VWA8: variants seen among roughly 807,000 people sequenced by gnomAD.
VWA8 encodes von Willebrand factor A domain-containing protein 8.
VWA8 carries 221 observed loss-of-function variants against 241.5 expected under a neutral mutation model. The observed-to-expected ratio is 0.91, with a 90% confidence interval of 0.82 to 1.02. The LOEUF (loss-of-function observed/expected upper bound fraction) is 1.02, where lower values mean the gene tolerates loss of function less well. Among genes scored for constraint, VWA8 ranks in the 50% least tolerant of loss-of-function variants. The pLI is 0.00. For synonymous variants in VWA8, 852 were observed against 827.1 expected, an observed-to-expected ratio of 1.03 and a Z score of -0.52; for missense variants, 2,322 against 2,328.7, an observed-to-expected ratio of 1.00 and a Z score of 0.06.
intron 2 of VWA8, among the ~76,000 whole-genome samples, chr13:41,918,000 T>TA (rs1161786233): frequency 6.6e-6 from 1 of 152,220 alleles, no homozygotes; most frequent in African/African-American, 2.4e-5. Context: ...CCATGTAACA[T>TA]TCTGTAGTTA....
intron 14 of VWA8, among the ~76,000 whole-genome samples, chr13:41,826,157 A>C (rs1385536037): frequency 6.6e-6 from 1 of 152,238 alleles, no homozygotes; most frequent in Non-Finnish European, 1.5e-5. Flanking sequence ...AAATTTACCA[A>C]CAATCCATAC....
intron 17 of VWA8, among the ~76,000 whole-genome samples, chr13:41,809,160 A>G (rs1870356240): frequency 6.6e-6 from 1 of 152,164 alleles, no homozygotes; most frequent in Non-Finnish European, 1.5e-5. Flanking sequence ...GGAACAATCA[A>G]TGCTGTTAAA....
intron 2 of VWA8, among the ~76,000 whole-genome samples, chr13:41,943,049 T>A (rs1483332176): frequency 2.0e-5 from 3 of 152,238 alleles, no homozygotes; most frequent in African/African-American, 7.2e-5. Flanking sequence ...GCCCCAGGTT[T>A]GCCACAGTTT....
At chr13:41,702,114 G>C (rs559886137) in intron 27 of VWA8, among the ~76,000 whole-genome samples, 1 of 152,152 alleles carries the variant, frequency 6.6e-6, no homozygotes, top group Admixed American at 6.5e-5. Flanking sequence ...TATAAGCAGA[G>C]GAGCTAATTT....
chr13:41,877,409 AC>A (rs1166135305), intron 9 of VWA8, among the ~76,000 whole-genome samples: 15 of 152,030 alleles, frequency 9.9e-5, no homozygotes, highest in African/African-American at 1.7e-4. Flanking sequence ...TAAAAAAAAA[AC>A]AAAACACATA....
At chr13:41,713,690 T>C (rs1448251829) in intron 26 of VWA8, among the ~76,000 whole-genome samples, 1 of 152,154 alleles carries the variant, frequency 6.6e-6, no homozygotes, top group Non-Finnish European at 1.5e-5. Context: ...GATGATGACA[T>C]TTAAACCTAT....
chr13:41,896,942 T>C (rs1253312170), intron 4 of VWA8, among the ~76,000 whole-genome samples: 1 of 152,214 alleles, frequency 6.6e-6, no homozygotes, highest in African/African-American at 2.4e-5. Flanking sequence ...TGATGTGTAT[T>C]ATCCAGTCAT....
Position 41,886,013 on chromosome 13 carries a change from C to T in VWA8, c.882G>A (p.Leu294=), listed in dbSNP as rs1874516531. 6.3e-7 allele frequency: 1 copy of T among 1,596,680 alleles called. No homozygotes were observed. Among genetic ancestry groups the T allele is most frequent in the African/African-American group, 1.4e-5 (1 of 73,792 alleles). ...GGGAACACAGAGTTGTGGCAAAGGA[C>T]AAGAGCTGAGAAACTCTAAGGGAAA... ...NVSAEKVSQL[L]SFATTLCSQE... The change falls in exon 8 of 45, where the codon TTG becomes TTA. Residue 294 remains leucine, a synonymous_variant. Transcript: ENST00000379310.
chr13:41,608,338 G>T (rs1038916346), intron 39 of VWA8, among the ~76,000 whole-genome samples: 4 of 152,074 alleles, frequency 2.6e-5, no homozygotes, highest in African/African-American at 9.7e-5. Context: ...AGAAAGAAAA[G>T]AAATTTTAGC....
chr13:41,648,638 G>A (rs982574827), intron 37 of VWA8, among the ~76,000 whole-genome samples: 1 of 152,142 alleles, frequency 6.6e-6, no homozygotes, highest in Non-Finnish European at 1.5e-5. Context: ...TGACGGGGCC[G>A]TAAAATAATC....
At chr13:41,956,419 G>A (rs1010581024) in intron 1 of VWA8, among the ~76,000 whole-genome samples, 1 of 152,158 alleles carries the variant, frequency 6.6e-6, no homozygotes, top group Admixed American at 6.5e-5. Context: ...CCCTAATGCA[G>A]ATCTGCCTAA....
At chr13:41,568,456 C>T (rs9594576) in intron 44 of VWA8, 151 bp from the exon 45 acceptor site, 113,057 of 530,574 alleles carry the variant, frequency 0.21, 13,362 homozygotes, top group African/African-American at 0.38. Flanking sequence ...TTGAATTAGT[C>T]GTCATTAAAC....
At chr13:41,599,009 C>T (rs1354435338) in intron 40 of VWA8, among the ~76,000 whole-genome samples, 1 of 151,970 alleles carries the variant, frequency 6.6e-6, no homozygotes, top group Non-Finnish European at 1.5e-5. Context: ...TTTCAGTGGC[C>T]TCCTCTACAG....
intron 39 of VWA8, among the ~76,000 whole-genome samples, chr13:41,609,312 C>T (rs75643930): frequency 1.4e-3 from 209 of 152,172 alleles, no homozygotes; most frequent in African/African-American, 4.2e-3. Context: ...GTGGCAAAAC[C>T]GTTTTAAAAC....
At chr13:41,609,061 C>T (rs550931992) in intron 39 of VWA8, among the ~76,000 whole-genome samples, 1 of 152,190 alleles carries the variant, frequency 6.6e-6, no homozygotes, top group African/African-American at 2.4e-5. Flanking sequence ...GTGTGTCATT[C>T]ATTCCACAAA....
At chr13:41,661,755 A>G (rs1318079306) in intron 37 of VWA8, among the ~76,000 whole-genome samples, 1 of 152,224 alleles carries the variant, frequency 6.6e-6, no homozygotes, top group Admixed American at 6.5e-5. Context: ...ATGGCATTGT[A>G]TACTATTATT....
At chr13:41,866,096 C>G in intron 10 of VWA8, 60 bp from the exon 11 acceptor site, 1 of 1,586,492 alleles carries the variant, frequency 6.3e-7, no homozygotes, top group East Asian at 2.3e-5. Flanking sequence ...GCCTATAATC[C>G]CAACACTTTG....
chr13:41,944,012 G>A (rs1877722619), intron 2 of VWA8, among the ~76,000 whole-genome samples: 1 of 152,080 alleles, frequency 6.6e-6, no homozygotes, highest in Admixed American at 6.5e-5. Flanking sequence ...GGCTGAGGTA[G>A]GAGAATCGCT....
intron 42 of VWA8, among the ~76,000 whole-genome samples, chr13:41,580,668 G>C (rs2044376600): frequency 6.6e-6 from 1 of 152,130 alleles, no homozygotes; most frequent in South Asian, 2.1e-4. Context: ...AAATCAAATT[G>C]AACAGAGATA....
Sources: allele counts gnomAD v4.1 joint callset (sites outside exome capture counted in the v4.1 genomes callset), GRCh38; gene constraint gnomAD v4.1.1; transcripts MANE v1.5; gene names NCBI Gene and HGNC (gene_info 2026-07-23, HGNC 2026-07-21).